Variants in CSMD1 observed in about 807,000 individuals in gnomAD.
CSMD1 encodes CUB and sushi domain-containing protein 1.
Under a neutral mutation model 417.5 loss-of-function variants are expected in CSMD1, and 213 were observed. The ratio of observed to expected loss-of-function variants is 0.51; its 90% CI spans 0.46 to 0.57. CSMD1 has a LOEUF of 0.57. Ranked by LOEUF, CSMD1 falls within the 20% of genes least tolerant of loss-of-function variation. CSMD1 has a pLI of 0.00. For missense variants in CSMD1, 6,923 were observed against 4,529.7 expected (o/e 1.53, Z -15.17); for synonymous variants, 2,862 against 1,736.8 (o/e 1.65, Z -16.11).
chr8:3,457,099 C>T (rs914807394), intron 12 of CSMD1, among the ~76,000 whole-genome samples: 5 of 151,758 alleles, frequency 3.3e-5, no homozygotes, highest in African/African-American at 9.7e-5. Context: ...TCCTGGACCC[C>T]TCCCTCTGAA....
chr8:3,422,878 T>C (rs1417257588), intron 12 of CSMD1, among the ~76,000 whole-genome samples: 2 of 152,142 alleles, frequency 1.3e-5, no homozygotes, highest in African/African-American at 4.8e-5. Context: ...ATGAATTCTG[T>C]GTCCTCCAGA....
chr8:3,599,179 G>A (rs1370218888), intron 8 of CSMD1, among the ~76,000 whole-genome samples: 1 of 151,710 alleles, frequency 6.6e-6, no homozygotes, highest in Non-Finnish European at 1.5e-5. Flanking sequence ...GTGTGTGTGT[G>A]TGAGATGAGG....
At chr8:3,492,150 G>A (rs1266235281) in intron 11 of CSMD1, among the ~76,000 whole-genome samples, 3 of 152,180 alleles carry the variant, frequency 2.0e-5, no homozygotes, top group Non-Finnish European at 4.4e-5. Context: ...TATTGGGACT[G>A]AAACGGGTGG....
intron 2 of CSMD1, among the ~76,000 whole-genome samples, chr8:4,441,109 T>TTTTTTTTTTTTTTTTTTTTTTTTTA (rs1353112023): frequency 7.8e-6 from 1 of 127,868 alleles, no homozygotes; most frequent in Non-Finnish European, 1.7e-5. Flanking sequence ...TTTTTTTTTT[T>TTTTTTTTTTTTTTTTTTTTTTTTTA]TTTTTTTTTA....
chr8:4,765,775 T>C (rs1480320295), intron 1 of CSMD1, among the ~76,000 whole-genome samples: 3 of 152,138 alleles, frequency 2.0e-5, no homozygotes, highest in Non-Finnish European at 4.4e-5. Flanking sequence ...ATTTCCATAA[T>C]AGAGAGAGCC....
intron 33 of CSMD1, among the ~76,000 whole-genome samples, chr8:3,192,208 T>C (rs892099118): frequency 6.6e-6 from 1 of 152,312 alleles, no homozygotes; most frequent in African/African-American, 2.4e-5. Context: ...TAATTAATGA[T>C]TTATCAGAAT....
At chr8:3,416,212 G>A (rs1166144369) in intron 12 of CSMD1, among the ~76,000 whole-genome samples, 2 of 146,370 alleles carry the variant, frequency 1.4e-5, no homozygotes, top group South Asian at 4.4e-4. Flanking sequence ...TGAGGCAGGA[G>A]AATGGTGTGA....
intron 18 of CSMD1, among the ~76,000 whole-genome samples, chr8:3,384,414 T>C (rs1239593590): frequency 6.6e-6 from 1 of 151,736 alleles, no homozygotes; most frequent in East Asian, 1.9e-4. Flanking sequence ...ATTAAGTTTC[T>C]GTACAGACAA....
intron 64 of CSMD1, 119 bp downstream of exon 64, chr8:2,955,470 C>T (rs942111962): frequency 2.6e-5 from 23 of 892,952 alleles, no homozygotes; most frequent in Middle Eastern, 2.2e-4. Flanking sequence ...AGGCAGGTGG[C>T]GATGCTGCAG....
intron 5 of CSMD1, among the ~76,000 whole-genome samples, chr8:3,935,143 T>C (rs1810397483): frequency 6.6e-6 from 1 of 152,166 alleles, no homozygotes; most frequent in Non-Finnish European, 1.5e-5. Context: ...AGAAGTAAGA[T>C]TTTTAAGAAG....
chr8:4,560,023 G>C (rs190999417), intron 2 of CSMD1, among the ~76,000 whole-genome samples: 170 of 152,322 alleles, frequency 1.1e-3, no homozygotes, highest in South Asian at 8.1e-3. Context: ...CAGAAATGCA[G>C]TTGACAGACA....
At chr8:4,414,274 G>T (rs1460846803) in intron 3 of CSMD1, among the ~76,000 whole-genome samples, 1 of 152,134 alleles carries the variant, frequency 6.6e-6, no homozygotes, top group African/African-American at 2.4e-5. Flanking sequence ...AGCCAACAGA[G>T]TGACACCCTG....
intron 3 of CSMD1, among the ~76,000 whole-genome samples, chr8:4,205,162 G>C (rs558862851): frequency 6.6e-6 from 1 of 152,200 alleles, no homozygotes; most frequent in Non-Finnish European, 1.5e-5. Flanking sequence ...TTCTTAGAGA[G>C]AAAACTGGGT....
intron 7 of CSMD1, among the ~76,000 whole-genome samples, chr8:3,634,748 C>A (rs1796949883): frequency 6.6e-6 from 1 of 152,068 alleles, no homozygotes; most frequent in African/African-American, 2.4e-5. Flanking sequence ...ATGATTAAGG[C>A]ACACAGTTTG....
chr8:3,083,298 T>A (rs557049708), intron 49 of CSMD1, among the ~76,000 whole-genome samples: 6 of 151,968 alleles, frequency 3.9e-5, no homozygotes, highest in Non-Finnish European at 7.4e-5. Context: ...TTAAAATTAC[T>A]AATTAAGATT....
intron 40 of CSMD1, among the ~76,000 whole-genome samples, chr8:3,145,376 T>G (rs758638821): frequency 2.0e-5 from 3 of 152,112 alleles, no homozygotes; most frequent in Non-Finnish European, 4.4e-5. Context: ...CAGAAACACA[T>G]TTTGAAATTC....
intron 3 of CSMD1, among the ~76,000 whole-genome samples, chr8:4,142,625 T>G (rs34972501): frequency 0.3 from 45,354 of 150,916 alleles, 8,486 homozygotes; most frequent in Non-Finnish European, 0.39. Flanking sequence ...TGGCTCTGTA[T>G]TTAATTGCAA....
At chr8:3,820,563 G>C (rs1013907499) in intron 5 of CSMD1, among the ~76,000 whole-genome samples, 4 of 152,088 alleles carry the variant, frequency 2.6e-5, no homozygotes, top group African/African-American at 7.2e-5. Flanking sequence ...TCGTTGTTGT[G>C]TTTTTGTTTT....
chr8:3,403,051 T>C (rs927757939), intron 15 of CSMD1, among the ~76,000 whole-genome samples: 1 of 152,188 alleles, frequency 6.6e-6, no homozygotes. Flanking sequence ...GGACTTTTTA[T>C]GGATAGACAT....
Sources: gnomAD v4.1 joint callset for allele counts (sites outside exome capture counted in the v4.1 genomes callset) on GRCh38, gnomAD v4.1.1 for gene constraint, MANE v1.5 for transcripts, NCBI Gene and HGNC (gene_info 2026-07-23, HGNC 2026-07-21) for gene names.